Variants in THSD7A observed in about 807,000 individuals in gnomAD.
THSD7A encodes the protein thrombospondin type-1 domain-containing protein 7A.
In THSD7A, 96 loss-of-function variants were observed where a neutral mutation model predicts 231.3. The ratio of observed to expected loss-of-function variants is 0.41; its 90% CI spans 0.35 to 0.49. THSD7A has a LOEUF of 0.49. Among genes scored for constraint, THSD7A ranks in the 20% least tolerant of loss-of-function variants. THSD7A has a pLI of 0.05. For synonymous variants in THSD7A, 940 were observed against 743.3 expected, an observed-to-expected ratio of 1.26 and a Z score of -4.30; for missense variants, 2,290 against 2,070.2, an observed-to-expected ratio of 1.11 and a Z score of -2.06.
intron 1 of THSD7A, among the ~76,000 whole-genome samples, chr7:11,686,429 C>T (rs1237115391): frequency 6.6e-6 from 1 of 151,796 alleles, no homozygotes; most frequent in Non-Finnish European, 1.5e-5. Context: ...GAAGATTGCT[C>T]ATGAAAAGAT....
chr7:11,697,521 A>G (rs750550673), intron 1 of THSD7A, among the ~76,000 whole-genome samples: 3 of 151,278 alleles, frequency 2.0e-5, no homozygotes, highest in Admixed American at 6.6e-5. Flanking sequence ...TTGAATGAGT[A>G]TCAAGACAAA....
Position 11,571,028 on chromosome 7 carries a change from G to C in THSD7A, c.1453+19432C>G, listed in dbSNP as rs190124644. On this transcript the variant is annotated intron_variant, in intron 4 of 27. Transcript: ENST00000423059. ...ACTTCTTGGCTGGACCTTCTTGGCT[G>C]TGATTTTCTTGCTCCTTTCTCTAGT... 1.5e-3 allele frequency among the ~76,000 whole-genome samples: 227 copies of C among 152,326 alleles called. 1 individual carries two copies. Among genetic ancestry groups the C allele is most frequent in the Non-Finnish European group, 2.3e-3 (158 of 68,036 alleles).
At chr7:11,563,295 G>A (rs1290530777) in intron 4 of THSD7A, among the ~76,000 whole-genome samples, 1 of 152,066 alleles carries the variant, frequency 6.6e-6, no homozygotes, top group Non-Finnish European at 1.5e-5. Context: ...TTATCTTTTG[G>A]TATTTAATGC....
intron 6 of THSD7A, among the ~76,000 whole-genome samples, chr7:11,512,554 C>T (rs900100531): frequency 1.3e-5 from 2 of 151,960 alleles, no homozygotes; most frequent in South Asian, 4.2e-4. Flanking sequence ...CAATAATAGA[C>T]TGGATTAAGA....
chr7:11,736,853 G>T (rs1393412808), intron 1 of THSD7A, among the ~76,000 whole-genome samples: 1 of 151,948 alleles, frequency 6.6e-6, no homozygotes, highest in East Asian at 1.9e-4. Context: ...ATCCCCACCT[G>T]TCATAGGAAG....
intron 4 of THSD7A, among the ~76,000 whole-genome samples, chr7:11,586,959 A>T (rs1779934705): frequency 6.6e-6 from 1 of 152,122 alleles, no homozygotes; most frequent in Non-Finnish European, 1.5e-5. Context: ...GTGGATTTTT[A>T]ATATGTTTTC....
intron 27 of THSD7A, 47 bp downstream of exon 27, chr7:11,376,523 G>T: frequency 7.1e-7 from 1 of 1,405,968 alleles, no homozygotes; most frequent in Non-Finnish European, 9.8e-7. Flanking sequence ...CTGTTTCTGT[G>T]TTACGATTAA....
At chr7:11,495,994 T>C (rs532819627) in intron 6 of THSD7A, among the ~76,000 whole-genome samples, 83 of 152,282 alleles carry the variant, frequency 5.5e-4, no homozygotes, top group African/African-American at 1.9e-3. Context: ...GCTAGTCTTC[T>C]GGTATCATGA....
Position 11,813,971 on chromosome 7 carries a change from C to T in THSD7A, c.190+17786G>A, listed in dbSNP as rs557675066. ...GAATAAACAAAGGCAGTGTATTTAT[C>T]CAGTGGAATTCTAATACATGTAAAA... On this transcript the variant is annotated intron_variant, in intron 1 of 27. Transcript: ENST00000423059. 1.2e-3 allele frequency among the ~76,000 whole-genome samples: 190 copies of T among 152,118 alleles called. 1 individual carries two copies. The highest frequency in any genetic ancestry group is 6.8e-3 in the Middle Eastern group (2 of 294).
At chr7:11,722,561 C>T (rs1471053208) in intron 1 of THSD7A, among the ~76,000 whole-genome samples, 2 of 151,778 alleles carry the variant, frequency 1.3e-5, no homozygotes, top group Non-Finnish European at 2.9e-5. Flanking sequence ...TTTTCCAAAC[C>T]ACTGTGATTT....
chr7:11,736,909 C>T (rs1200725555), intron 1 of THSD7A, among the ~76,000 whole-genome samples: 1 of 151,998 alleles, frequency 6.6e-6, no homozygotes, highest in African/African-American at 2.4e-5. Context: ...TTCCCCCATC[C>T]TATTCTTGTG....
chr7:11,668,873 G>C (rs1783262528), intron 1 of THSD7A, among the ~76,000 whole-genome samples: 1 of 152,074 alleles, frequency 6.6e-6, no homozygotes, highest in Non-Finnish European at 1.5e-5. Flanking sequence ...CTATATATAG[G>C]GTGTAGATAT....
chr7:11,562,806 A>G (rs1018388744), intron 4 of THSD7A, among the ~76,000 whole-genome samples: 1 of 152,186 alleles, frequency 6.6e-6, no homozygotes, highest in African/African-American at 2.4e-5. Flanking sequence ...GTTAGGCATT[A>G]CATGCCAAAG....
intron 1 of THSD7A, among the ~76,000 whole-genome samples, chr7:11,827,307 ATGT>A (rs1415454157): frequency 6.6e-6 from 1 of 152,158 alleles, no homozygotes; most frequent in Admixed American, 6.5e-5. Flanking sequence ...CTTTTCTACC[ATGT>A]TGTTTTTTAT....
intron 23 of THSD7A, among the ~76,000 whole-genome samples, chr7:11,397,820 T>A (rs1783247571): frequency 6.6e-6 from 1 of 152,084 alleles, no homozygotes; most frequent in Non-Finnish European, 1.5e-5. Context: ...CACTGGTCAT[T>A]AGAGAAATGC....
At chr7:11,587,017 G>A (rs557672584) in intron 4 of THSD7A, among the ~76,000 whole-genome samples, 1 of 152,188 alleles carries the variant, frequency 6.6e-6, no homozygotes, top group South Asian at 2.1e-4. Context: ...TAAACTTAAT[G>A]TTGTCTTATA....
chr7:11,726,516 G>A (rs1456593397), intron 1 of THSD7A, among the ~76,000 whole-genome samples: 1 of 151,798 alleles, frequency 6.6e-6, no homozygotes, highest in Non-Finnish European at 1.5e-5. Flanking sequence ...TTTGGCCTGA[G>A]GTCTGCATGC....
At chr7:11,483,033 C>A (rs1403567708) in intron 6 of THSD7A, among the ~76,000 whole-genome samples, 1 of 152,078 alleles carries the variant, frequency 6.6e-6, no homozygotes, top group East Asian at 1.9e-4. Context: ...CAAAAATTAA[C>A]CTGCTATTTT....
At chr7:11,661,246 A>C (rs1192401431) in intron 1 of THSD7A, among the ~76,000 whole-genome samples, 1 of 151,398 alleles carries the variant, frequency 6.6e-6, no homozygotes, top group African/African-American at 2.4e-5. Context: ...TCTCTCTCTA[A>C]CCTAGCTAAA....
Sources: allele counts gnomAD v4.1 joint callset (sites outside exome capture counted in the v4.1 genomes callset), GRCh38; gene constraint gnomAD v4.1.1; transcripts MANE v1.5; gene names NCBI Gene and HGNC (gene_info 2026-07-23, HGNC 2026-07-21).